ODAD2: variants seen among roughly 807,000 people sequenced by gnomAD.
ODAD2 encodes the protein outer dynein arm-docking complex subunit 2.
A neutral mutation model predicts 106.8 loss-of-function variants in ODAD2; 89 were observed. That is an observed-to-expected ratio of 0.83 (90% CI 0.70 to 0.99). The LOEUF (loss-of-function observed/expected upper bound fraction) is 0.99, where lower values mean the gene tolerates loss of function less well. ODAD2 is among the 50% of genes least tolerant of loss of function. The pLI is 0.00. For synonymous variants in ODAD2, 404 were observed against 436.2 expected, an observed-to-expected ratio of 0.93 and a Z score of 0.92; for missense variants, 1,168 against 1,238.5, an observed-to-expected ratio of 0.94 and a Z score of 0.85.
At chr10:27,953,915 C>A (rs1349319247) in intron 10 of ODAD2, among the ~76,000 whole-genome samples, 1 of 152,148 alleles carries the variant, frequency 6.6e-6, no homozygotes, top group East Asian at 1.9e-4. Context: ...CAGCCACAAC[C>A]AGACAGCCAC....
intron 9 of ODAD2, among the ~76,000 whole-genome samples, chr10:27,961,948 T>C (rs1428856195): frequency 1.3e-5 from 2 of 152,100 alleles, no homozygotes; most frequent in Non-Finnish European, 2.9e-5. Flanking sequence ...TGCCTGTAAT[T>C]TCAGCTACTC....
intron 17 of ODAD2, among the ~76,000 whole-genome samples, chr10:27,863,713 G>T (rs1464319216): frequency 6.6e-6 from 1 of 152,100 alleles, no homozygotes; most frequent in Non-Finnish European, 1.5e-5. Flanking sequence ...AAGGTTCAAG[G>T]GCTGACTCCC....
chr10:27,884,523 C>T (rs561717884), intron 17 of ODAD2, among the ~76,000 whole-genome samples: 1 of 152,260 alleles, frequency 6.6e-6, no homozygotes, highest in South Asian at 2.1e-4. Flanking sequence ...GTGGAAGTTG[C>T]TTGCCATGTT....
At chr10:27,881,906 C>T (rs1384684884) in intron 17 of ODAD2, among the ~76,000 whole-genome samples, 1 of 151,934 alleles carries the variant, frequency 6.6e-6, no homozygotes, top group Non-Finnish European at 1.5e-5. Context: ...CATGGTGGCT[C>T]ACACCTGTAA....
chr10:27,943,342 C>T (rs1053411684), intron 12 of ODAD2, among the ~76,000 whole-genome samples: 1 of 151,958 alleles, frequency 6.6e-6, no homozygotes, highest in African/African-American at 2.4e-5. Context: ...TCAGAGAAAA[C>T]TCCTGAGAGC....
Position 27,907,681 on chromosome 10 carries a change from T to G in ODAD2, c.2592A>C (p.Pro864=), listed in dbSNP as rs145042199. The change falls in exon 17 of 20, where the codon CCA becomes CCC. Residue 864 remains proline, a synonymous_variant. Coordinates refer to ENST00000305242, the MANE Select transcript of ODAD2 (RefSeq NM_018076.5). ...TTCTTACCTTTGCATTTTTGATGCATGGACAGAGTGCCCATGCTGCGCTGG... is the reference window on the plus strand; with the variant it reads ...TTCTTACCTTTGCATTTTTGATGCAGGGACAGAGTGCCCATGCTGCGCTGG... The part of the protein sequence containing the change: ...VKASAAWALC[P]CIKNAKDAGE... The G allele has an allele frequency of 6.2e-7, 1 of 1,613,632 alleles. No homozygotes were observed. Among genetic ancestry groups the G allele is most frequent in the African/African-American group, 1.3e-5 (1 of 75,048 alleles).
chr10:27,818,372 A>G (rs1836304803), intron 19 of ODAD2, among the ~76,000 whole-genome samples: 1 of 152,124 alleles, frequency 6.6e-6, no homozygotes, highest in Non-Finnish European at 1.5e-5. Context: ...TCTCCCAAGT[A>G]GATGATTCAT....
In ODAD2 at chr10:27,994,205, C is replaced by A. The variant is rs138140902; in HGVS notation, c.224+714G>T. 6.8e-3 allele frequency among the ~76,000 whole-genome samples: 1,027 copies of A among 151,916 alleles called. 33 individuals are homozygous for A. Among genetic ancestry groups the A allele is most frequent in the Admixed American group, 0.061 (934 of 15,240 alleles). ...TTTTTTTCATCTCAGATTTGAAAGG[C>A]TCTAATCTGAGGACACCAGTAATTC... On this transcript the variant is annotated intron_variant, in intron 2 of 19. Coordinates refer to ENST00000305242, the MANE Select transcript of ODAD2 (RefSeq NM_018076.5).
intron 17 of ODAD2, among the ~76,000 whole-genome samples, chr10:27,901,507 A>G (rs1280368640): frequency 6.6e-6 from 1 of 152,222 alleles, no homozygotes; most frequent in Non-Finnish European, 1.5e-5. Flanking sequence ...CAATTAAAAG[A>G]CATAGATTGG....
chr10:27,875,106 G>GATC (rs1229898785), intron 17 of ODAD2, among the ~76,000 whole-genome samples: 10 of 152,020 alleles, frequency 6.6e-5, no homozygotes, highest in Admixed American at 5.2e-4. Flanking sequence ...TCATTCATTT[G>GATC]ATCTTCAATC....
chr10:27,914,297 C>T (rs577792452), intron 16 of ODAD2, among the ~76,000 whole-genome samples: 26 of 151,970 alleles, frequency 1.7e-4, no homozygotes, highest in African/African-American at 5.8e-4. Flanking sequence ...GACCACCAGA[C>T]CTTTCCATTT....
In ODAD2 at chr10:27,944,951, T is replaced by C; in HGVS notation, c.1398A>G (p.Gln466=). 1 of 1,614,124 alleles carries C rather than the reference T, an allele frequency of 6.2e-7. No homozygotes were observed. The highest frequency in any genetic ancestry group is 1.7e-4 in the Middle Eastern group (1 of 6,060). The change falls in exon 11 of 20, where the codon CAA becomes CAG. Residue 466 remains glutamine, a synonymous_variant. Transcript: ENST00000305242. ...AACACAACGCAATCACTGTAGCTGT[T>C]TGATTTCCTCCCTACAAAGATGCAA... is the stretch of plus-strand genomic sequence containing the variant. The part of the protein sequence containing the change: ...KLVKYLKGGN[Q]TATVIALCSM...
chr10:27,936,918 G>T, intron 14 of ODAD2, 38 bp from the exon 15 acceptor site: 1 of 1,559,798 alleles, frequency 6.4e-7, no homozygotes, highest in South Asian at 1.2e-5. Context: ...CAGTCATCAA[G>T]GAATATCAAG....
At chr10:27,818,510 A>C (rs1836323104) in intron 19 of ODAD2, among the ~76,000 whole-genome samples, 1 of 152,184 alleles carries the variant, frequency 6.6e-6, no homozygotes. Flanking sequence ...CAGCCAGGTC[A>C]TCACAATGAA....
chr10:27,895,513 C>G (rs11006762), intron 17 of ODAD2, among the ~76,000 whole-genome samples: 2 of 151,966 alleles, frequency 1.3e-5, no homozygotes, highest in African/African-American at 2.4e-5. Context: ...GGTCTTGAAC[C>G]CCTGGCTTCC....
chr10:27,950,551 G>A (rs1588589478), intron 10 of ODAD2, among the ~76,000 whole-genome samples: 1 of 152,242 alleles, frequency 6.6e-6, no homozygotes, highest in African/African-American at 2.4e-5. Context: ...AATGGGTAAG[G>A]ACAATACAAG....
At chr10:27,814,736 T>C (rs781643559) in intron 19 of ODAD2, among the ~76,000 whole-genome samples, 2 of 152,232 alleles carry the variant, frequency 1.3e-5, no homozygotes, top group Non-Finnish European at 2.9e-5. Flanking sequence ...GTCCGTCTTT[T>C]GAATCATTCT....
Position 27,812,584 on chromosome 10 carries a change from CT to C in ODAD2, c.3062del (p.Gln1021ArgfsTer27). ...DMVGSPDQDLQEAAAGCISNI... is the reference protein window; with the variant it reads ...DMVGSPDQDLXEAAAGCISNI... ...TGGATATACAACCAGCTGCAGCTTC[CT>C]GGAGATCCTGGTCAGGGGACCCAAC... On this transcript the variant is annotated frameshift_variant, in exon 20 of 20. Coordinates refer to ENST00000305242, the MANE Select transcript of ODAD2 (RefSeq NM_018076.5). LOFTEE classifies it high-confidence loss of function. 6.2e-7 allele frequency: 1 copy of C among 1,612,990 alleles called. No homozygotes were observed. Among genetic ancestry groups the C allele is most frequent in the Non-Finnish European group, 8.5e-7 (1 of 1,179,792 alleles).
chr10:27,834,520 G>A (rs1837716613), intron 19 of ODAD2, among the ~76,000 whole-genome samples: 1 of 152,086 alleles, frequency 6.6e-6, no homozygotes, highest in Non-Finnish European at 1.5e-5. Flanking sequence ...GCTGCCATGT[G>A]CTATCATCAA....
Sources: gnomAD v4.1 joint callset for allele counts (sites outside exome capture counted in the v4.1 genomes callset) on GRCh38, gnomAD v4.1.1 for gene constraint, MANE v1.5 for transcripts, NCBI Gene and HGNC (gene_info 2026-07-23, HGNC 2026-07-21) for gene names.